Variants in RGS8 observed in about 807,000 individuals in gnomAD.
RGS8 encodes the protein regulator of G-protein signaling 8.
In RGS8, 8 loss-of-function variants were observed where a neutral mutation model predicts 21.7. That is an observed-to-expected ratio of 0.37 (90% CI 0.22 to 0.66). The LOEUF is 0.66. RGS8 is among the 30% of genes least tolerant of loss of function. The pLI is 0.59. For synonymous variants in RGS8, 80 were observed against 83.6 expected (o/e 0.96, Z 0.24); for missense variants, 157 against 217.9 (o/e 0.72, Z 1.76).
intron 6 of RGS8, among the ~76,000 whole-genome samples, 194 bp from the exon 8 acceptor site, chr1:182,647,111 T>C (rs1662739171): frequency 6.6e-6 from 1 of 152,196 alleles, no homozygotes; most frequent in Non-Finnish European, 1.5e-5. Flanking sequence ...GACCAGATAT[T>C]CTCAGTCCCA....
upstream of RGS8, among the ~76,000 whole-genome samples, chr1:182,675,926 G>A (rs535408736): frequency 1.3e-5 from 2 of 152,152 alleles, no homozygotes; most frequent in African/African-American, 4.8e-5. Flanking sequence ...CTCACAGAGA[G>A]CAGGTGTTGA....
At chr1:182,661,619 C>T (rs1663590392) in intron 5 of RGS8, among the ~76,000 whole-genome samples, 1 of 152,066 alleles carries the variant, frequency 6.6e-6, no homozygotes, top group Non-Finnish European at 1.5e-5. Context: ...GAGTTCAGGA[C>T]TTAATGTTCC....
At chr1:182,650,501 CTCCCA>C (rs1247383380) in intron 5 of RGS8, among the ~76,000 whole-genome samples, 1 of 152,188 alleles carries the variant, frequency 6.6e-6, no homozygotes, top group East Asian at 1.9e-4. Context: ...TTCCGGGTGA[CTCCCA>C]ACACTAAGCT....
chr1:182,741,905 G>C, the RGS8 span, among the ~76,000 whole-genome samples: 43,914 of 117,190 alleles, frequency 0.37, 8,452 homozygotes, highest in Non-Finnish European at 0.43. Flanking sequence ...CCCTCCCGGA[G>C]GAGGTGGCTG....
intron 3 of RGS8, 41 bp from the exon 5 acceptor site, chr1:182,667,014 T>C: frequency 6.7e-7 from 1 of 1,501,502 alleles, no homozygotes; most frequent in Non-Finnish European, 9.3e-7. Flanking sequence ...GAAACTCTCA[T>C]GATCACAGCT....
exon 1 of RGS8, chr1:182,671,877 G>A (rs796529317): frequency 2.3e-5 from 34 of 1,500,596 alleles, no homozygotes; most frequent in Admixed American, 2.2e-5. Context: ...GGCAGCAAGC[G>A]GCCCCACTGA....
chr1:182,714,749 T>G, the RGS8 span, among the ~76,000 whole-genome samples: 3 of 152,354 alleles, frequency 2.0e-5, no homozygotes, highest in Admixed American at 2.0e-4. Flanking sequence ...CTTCCTGGTT[T>G]TGATAATAGT....
At chr1:182,726,141 C>T in the RGS8 span, among the ~76,000 whole-genome samples, 1 of 148,476 alleles carries the variant, frequency 6.7e-6, no homozygotes, top group East Asian at 2.0e-4. Context: ...GCACTGATTG[C>T]TTTTGGGAAA....
exon 6 of RGS8, chr1:182,648,295 C>T (rs751887013): frequency 2.5e-6 from 4 of 1,612,936 alleles, no homozygotes; most frequent in Non-Finnish European, 3.4e-6. Context: ...CGGAATGCAG[C>T]CACCCCATCT....
chr1:182,663,911 T>C (rs1281167090), intron 5 of RGS8, among the ~76,000 whole-genome samples: 1 of 152,136 alleles, frequency 6.6e-6, no homozygotes, highest in Non-Finnish European at 1.5e-5. Context: ...CCTCAAGTGA[T>C]CCTCCTGCCT....
the RGS8 span, among the ~76,000 whole-genome samples, chr1:182,732,571 C>T: frequency 1.3e-5 from 2 of 152,178 alleles, no homozygotes; most frequent in Non-Finnish European, 2.9e-5. Flanking sequence ...GCCACAATGT[C>T]TCAGGAGAGG....
upstream of RGS8, among the ~76,000 whole-genome samples, chr1:182,675,400 T>C (rs1342448259): frequency 2.0e-5 from 3 of 152,312 alleles, no homozygotes; most frequent in East Asian, 5.8e-4. Flanking sequence ...CTCTCTTAAA[T>C]AACTGATCTC....
At chr1:182,743,450 T>C in the RGS8 span, among the ~76,000 whole-genome samples, 1 of 151,882 alleles carries the variant, frequency 6.6e-6, no homozygotes, top group African/African-American at 2.4e-5. Flanking sequence ...AAGATAGAGG[T>C]TGTGAAAAGG....
the RGS8 span, among the ~76,000 whole-genome samples, chr1:182,748,011 C>A: frequency 6.6e-6 from 1 of 152,022 alleles, no homozygotes; most frequent in African/African-American, 2.4e-5. Flanking sequence ...TGACAGGTAT[C>A]ATTGTGTCCA....
chr1:182,650,599 T>C (rs762142708), intron 5 of RGS8, among the ~76,000 whole-genome samples: 1 of 152,174 alleles, frequency 6.6e-6, no homozygotes, highest in Non-Finnish European at 1.5e-5. Context: ...CAGTTGTTCA[T>C]ACCTGTAGTC....
the RGS8 span, among the ~76,000 whole-genome samples, chr1:182,700,320 T>C: frequency 6.6e-6 from 1 of 152,158 alleles, no homozygotes; most frequent in African/African-American, 2.4e-5. Flanking sequence ...GTGTAACCAC[T>C]CACCCCAACA....
the RGS8 span, among the ~76,000 whole-genome samples, chr1:182,720,787 T>TTA: frequency 5.9e-5 from 9 of 151,622 alleles, no homozygotes; most frequent in Non-Finnish European, 1.3e-4. Context: ...TTGATTATAA[T>TTA]TATATGTGTG....
intron 5 of RGS8, among the ~76,000 whole-genome samples, chr1:182,648,890 C>G (rs1195521039): frequency 2.0e-5 from 3 of 152,142 alleles, no homozygotes; most frequent in Non-Finnish European, 4.4e-5. Context: ...CATCTGAGGT[C>G]AGGAGTTCGA....
exon 6 of RGS8, chr1:182,648,239 C>A: frequency 1.9e-6 from 3 of 1,613,782 alleles, no homozygotes; most frequent in Non-Finnish European, 2.5e-6. Flanking sequence ...CACAGGCCAA[C>A]CAGAATTCCA....
Sources: gnomAD v4.1 joint callset for allele counts (sites outside exome capture counted in the v4.1 genomes callset) on GRCh38, gnomAD v4.1.1 for gene constraint, MANE v1.5 for transcripts, NCBI Gene and HGNC (gene_info 2026-07-23, HGNC 2026-07-21) for gene names.